The following DOCK8 variants were observed in gnomAD, a reference collection of about 807,000 sequenced individuals.
The protein encoded by DOCK8 is dedicator of cytokinesis protein 8.
Under a neutral mutation model 245.6 loss-of-function variants are expected in DOCK8, and 141 were observed. That is an observed-to-expected ratio of 0.57 (90% CI 0.50 to 0.66). DOCK8 has a LOEUF of 0.66. DOCK8 is among the 30% of genes least tolerant of loss of function. DOCK8 has a pLI of 0.00. For synonymous variants in DOCK8, 1,168 were observed against 970.2 expected (o/e 1.20, Z -3.79); for missense variants, 2,965 against 2,603.4 (o/e 1.14, Z -3.02).
chr9:299,509 C>T (rs955623457), intron 4 of DOCK8, among the ~76,000 whole-genome samples: 2 of 152,110 alleles, frequency 1.3e-5, no homozygotes, highest in Non-Finnish European at 2.9e-5. Flanking sequence ...GTGGTGCTCC[C>T]GCCTTGGCCT....
intron 37 of DOCK8, among the ~76,000 whole-genome samples, chr9:433,016 C>A (rs2131739471): frequency 6.6e-6 from 1 of 152,312 alleles, no homozygotes; most frequent in African/African-American, 2.4e-5. Flanking sequence ...TGAATGTTTT[C>A]TTTTATTCCC....
At chr9:337,019 G>A (rs1290137412) in intron 12 of DOCK8, among the ~76,000 whole-genome samples, 2 of 152,120 alleles carry the variant, frequency 1.3e-5, no homozygotes, top group African/African-American at 4.8e-5. Context: ...GAGCAGCTGA[G>A]CATGCTAGCT....
chr9:324,092 C>G (rs1026169101), intron 7 of DOCK8, among the ~76,000 whole-genome samples: 5 of 152,200 alleles, frequency 3.3e-5, no homozygotes, highest in Non-Finnish European at 5.9e-5. Flanking sequence ...TTCAGAAAGG[C>G]GAGTAACCTG....
chr9:436,706 C>T (rs916176552), intron 39 of DOCK8, among the ~76,000 whole-genome samples: 1 of 152,150 alleles, frequency 6.6e-6, no homozygotes, highest in Admixed American at 6.5e-5. Flanking sequence ...CACATTATTC[C>T]GACATGGGGG....
At chr9:277,246 T>A (rs988382937) in intron 2 of DOCK8, among the ~76,000 whole-genome samples, 23 of 150,454 alleles carry the variant, frequency 1.5e-4, no homozygotes, top group Admixed American at 1.4e-3. Flanking sequence ...TAGTGAGAAC[T>A]CATCTCTACA....
intron 1 of DOCK8, among the ~76,000 whole-genome samples, chr9:237,825 AT>A (rs2047291260): frequency 6.6e-6 from 1 of 152,110 alleles, no homozygotes; most frequent in African/African-American, 2.4e-5. Context: ...AAACCACAAT[AT>A]TGAGATATTT....
chr9:279,520 T>TGTC (rs1350714195), intron 2 of DOCK8, among the ~76,000 whole-genome samples: 3 of 152,216 alleles, frequency 2.0e-5, no homozygotes, highest in African/African-American at 7.2e-5. Context: ...AGGAACGAAC[T>TGTC]GTCACAATTT....
intron 1 of DOCK8, among the ~76,000 whole-genome samples, chr9:265,491 G>C (rs543442): frequency 0.39 from 59,417 of 151,854 alleles, 12,134 homozygotes; most frequent in East Asian, 0.78. Context: ...ACAGTCGTTC[G>C]TTACCAAGAG....
At chr9:400,036 A>AGCACCT (rs2054707636) in intron 26 of DOCK8, among the ~76,000 whole-genome samples, 6 of 128,446 alleles carry the variant, frequency 4.7e-5, no homozygotes, top group Middle Eastern at 4.3e-3. Flanking sequence ...CACCATCACC[A>AGCACCT]CCACCACCTC....
chr9:368,124 A>G lies in DOCK8; in HGVS notation c.1786A>G (p.Asn596Asp), dbSNP rs1422205466. The change falls in exon 15 of 48, where the codon AAT (asparagine) becomes GAT (aspartate). Residue 596 changes from asparagine (N) to aspartate (D), a missense_variant. By Grantham distance (23) the Asn-to-Asp change is conservative (BLOSUM62 1). Transcript: ENST00000432829. ...IQFMCGEDAS[N>D]AMPVIFGKSS... is the part of the protein sequence containing the mutation. ...GTTTATGTGTGGAGAAGATGCTAGC[A>G]ATGCGATGCCGGTAAGGAGGGAAAC... 3.0e-5 allele frequency: 48 copies of G among 1,613,836 alleles called. No homozygotes were observed. Among genetic ancestry groups the G allele is most frequent in the Non-Finnish European group, 3.9e-5 (46 of 1,179,820 alleles).
At chr9:299,427 A>G (rs2049423047) in intron 4 of DOCK8, among the ~76,000 whole-genome samples, 1 of 151,874 alleles carries the variant, frequency 6.6e-6, no homozygotes, top group Admixed American at 6.6e-5. Context: ...ATACTCGGCT[A>G]ATTTTTTGTG....
intron 1 of DOCK8, among the ~76,000 whole-genome samples, chr9:260,728 T>C (rs1286958048): frequency 6.6e-6 from 1 of 152,138 alleles, no homozygotes; most frequent in Admixed American, 6.5e-5. Context: ...AGAATACATA[T>C]GCAGCTGTAA....
intron 26 of DOCK8, among the ~76,000 whole-genome samples, chr9:402,665 C>G (rs540349662): frequency 6.6e-6 from 1 of 152,310 alleles, no homozygotes; most frequent in East Asian, 1.9e-4. Flanking sequence ...ATGTTTTCTG[C>G]CATCTAAAGA....
At chr9:359,590 T>A (rs2052620782) in intron 14 of DOCK8, among the ~76,000 whole-genome samples, 1 of 152,224 alleles carries the variant, frequency 6.6e-6, no homozygotes, top group Admixed American at 6.5e-5. Flanking sequence ...TCCTTCTGAA[T>A]CCTTGAATAA....
chr9:429,256 C>T (rs972220722), intron 35 of DOCK8, among the ~76,000 whole-genome samples: 3 of 152,232 alleles, frequency 2.0e-5, no homozygotes, highest in Non-Finnish European at 2.9e-5. Flanking sequence ...CGTGAGCCCC[C>T]GTTCCTGGCC....
Position 215,037 on chromosome 9 carries a change from G to GC in DOCK8, c.53+14dup, listed in dbSNP as rs749863710. On this transcript the variant is annotated intron_variant, in intron 1 of 47. Coordinates refer to ENST00000432829, the MANE Select transcript of DOCK8 (RefSeq NM_203447.4). ...CGCGCTCAAGATCAACAGGTAAGAC[G>GC]CCCCCCGCGGCGCGCAGGTTGCGGC... 5.1e-6 allele frequency: 8 copies of GC among 1,572,796 alleles called. No homozygotes were observed. Among genetic ancestry groups the GC allele is most frequent in the East Asian group, 4.7e-5 (2 of 42,520 alleles).
At chr9:300,899 A>G (rs748177092) in intron 4 of DOCK8, among the ~76,000 whole-genome samples, 1 of 152,188 alleles carries the variant, frequency 6.6e-6, no homozygotes, top group Non-Finnish European at 1.5e-5. Context: ...TTCACAGCCA[A>G]ATTATACCAG....
At chr9:349,845 C>A (rs2052072562) in intron 14 of DOCK8, among the ~76,000 whole-genome samples, 1 of 152,202 alleles carries the variant, frequency 6.6e-6, no homozygotes. Flanking sequence ...CCTTAGAATT[C>A]TGATTCATTC....
At chr9:395,855 G>A (rs1339364726) in intron 24 of DOCK8, among the ~76,000 whole-genome samples, 1 of 151,862 alleles carries the variant, frequency 6.6e-6, no homozygotes, top group Non-Finnish European at 1.5e-5. Flanking sequence ...ATTGACACAA[G>A]GATATCTATA....
Sources: gnomAD v4.1 joint callset for allele counts (sites outside exome capture counted in the v4.1 genomes callset) on GRCh38, gnomAD v4.1.1 for gene constraint, MANE v1.5 for transcripts, NCBI Gene and HGNC (gene_info 2026-07-23, HGNC 2026-07-21) for gene names.